Variants in ANGPT1 observed in about 807,000 individuals in gnomAD.
The protein encoded by ANGPT1 is angiopoietin 1.
In ANGPT1, 17 loss-of-function variants were observed where a neutral mutation model predicts 62.2. The observed-to-expected ratio is 0.27, with a 90% CI of 0.19 to 0.41. The LOEUF (loss-of-function observed/expected upper bound fraction) is 0.41, where lower values mean the gene tolerates loss of function less well. Ranked by LOEUF, ANGPT1 falls within the 10% of genes least tolerant of loss-of-function variation. ANGPT1 has a pLI of 1.00. For missense variants in ANGPT1, 478 were observed against 594.9 expected, an observed-to-expected ratio of 0.80 and a Z score of 2.04; for synonymous variants, 199 against 198.9, an observed-to-expected ratio of 1.00 and a Z score of 0.00.
intron 1 of ANGPT1, among the ~76,000 whole-genome samples, chr8:107,423,665 C>T (rs1810955174): frequency 6.6e-6 from 1 of 151,976 alleles, no homozygotes; most frequent in South Asian, 2.1e-4. Context: ...GGAATTTGAC[C>T]TAAGACATAC....
intron 7 of ANGPT1, among the ~76,000 whole-genome samples, chr8:107,281,735 G>A (rs1024343372): frequency 2.6e-5 from 4 of 152,076 alleles, no homozygotes; most frequent in South Asian, 2.1e-4. Context: ...CCGAGATCGC[G>A]CCATTGCACT....
chr8:107,396,781 C>T (rs1816945291), intron 1 of ANGPT1, among the ~76,000 whole-genome samples: 1 of 152,020 alleles, frequency 6.6e-6, no homozygotes, highest in African/African-American at 2.4e-5. Context: ...CCACGACCCC[C>T]TAAAGTGCTA....
intron 1 of ANGPT1, among the ~76,000 whole-genome samples, chr8:107,489,069 C>G (rs541532695): frequency 1.1e-4 from 16 of 152,296 alleles, no homozygotes; most frequent in Non-Finnish European, 1.9e-4. Flanking sequence ...ATAAAGCATA[C>G]TCCTTCCTAA....
At chr8:107,456,949 C>T (rs1319741487) in intron 1 of ANGPT1, among the ~76,000 whole-genome samples, 4 of 151,988 alleles carry the variant, frequency 2.6e-5, no homozygotes, top group Non-Finnish European at 4.4e-5. Context: ...CCTAATACTT[C>T]ATTAATAAAG....
In ANGPT1 at chr8:107,295,697, A is replaced by C. The variant is rs780184634; in HGVS notation, c.937-1660T>G. Reference sequence around the variant, plus strand: ...GATACCTCAAAGGCTAGCAAAGAAAATGATCGTAGTTTTGGACACCTTAGC... The same window carrying C: ...GATACCTCAAAGGCTAGCAAAGAAACTGATCGTAGTTTTGGACACCTTAGC... On this transcript the variant is annotated intron_variant, in intron 5 of 8. Coordinates refer to ENST00000517746, the MANE Select transcript of ANGPT1 (RefSeq NM_001146.5). Among the ~76,000 whole-genome samples the C allele has an allele frequency of 5.3e-5, 8 of 152,172 alleles. No homozygotes were observed. In the South Asian group the frequency reaches 1.7e-3, roughly 31 times the overall value.
chr8:107,258,324 A>T (rs1813417102), intron 8 of ANGPT1, among the ~76,000 whole-genome samples: 1 of 152,256 alleles, frequency 6.6e-6, no homozygotes, highest in Non-Finnish European at 1.5e-5. Context: ...TCTGTATCTC[A>T]GTTCTTGCCA....
chr8:107,415,743 G>A (rs545172524), intron 1 of ANGPT1, among the ~76,000 whole-genome samples: 8 of 152,204 alleles, frequency 5.3e-5, no homozygotes, highest in South Asian at 4.1e-4. Context: ...TTGTCTGCTC[G>A]CATGTTATGT....
Position 107,303,385 on chromosome 8 carries a change from A to AG in ANGPT1, c.809-19_809-18insC. On this transcript the variant is annotated intron_variant, in intron 4 of 8. Coordinates refer to ENST00000517746, the MANE Select transcript of ANGPT1 (RefSeq NM_001146.5). ...TAGTAAAACTGCAAAAAAAAAAAAAAAGATTGCAATATGTGAATATCAGTA... is the reference window on the plus strand; with the variant it reads ...TAGTAAAACTGCAAAAAAAAAAAAAAGAGATTGCAATATGTGAATATCAGTA... The AG allele has an allele frequency of 6.3e-7, 1 of 1,577,266 alleles. No individual in the cohort carries two copies.
chr8:107,467,518 G>A (rs1033115753), intron 1 of ANGPT1, among the ~76,000 whole-genome samples: 19 of 151,872 alleles, frequency 1.3e-4, no homozygotes, highest in African/African-American at 4.6e-4. Context: ...AGAAACCTGG[G>A]GACTTAATTG....
At chr8:107,397,800 C>G (rs1286901734) in intron 1 of ANGPT1, among the ~76,000 whole-genome samples, 1 of 152,128 alleles carries the variant, frequency 6.6e-6, no homozygotes, top group East Asian at 1.9e-4. Context: ...ATATTATTAG[C>G]TCTCAATGGC....
At chr8:107,403,722 T>G (rs1817091522) in intron 1 of ANGPT1, among the ~76,000 whole-genome samples, 1 of 152,136 alleles carries the variant, frequency 6.6e-6, no homozygotes, top group Non-Finnish European at 1.5e-5. Context: ...TTGTACTATT[T>G]TAAAAATAGG....
intron 6 of ANGPT1, among the ~76,000 whole-genome samples, chr8:107,291,073 TC>T (rs1814260603): frequency 2.6e-5 from 4 of 152,216 alleles, no homozygotes; most frequent in Admixed American, 2.6e-4. Flanking sequence ...TGAGTCTCTA[TC>T]TACAGTCTGA....
intron 1 of ANGPT1, among the ~76,000 whole-genome samples, chr8:107,469,953 G>A (rs561368798): frequency 6.6e-6 from 1 of 152,114 alleles, no homozygotes; most frequent in South Asian, 2.1e-4. Flanking sequence ...GATTTTGCAG[G>A]CTTGCTTGAG....
chr8:107,450,713 T>TGG (rs139277949), intron 1 of ANGPT1, among the ~76,000 whole-genome samples: 5,602 of 144,820 alleles, frequency 0.039, 370 homozygotes, highest in African/African-American at 0.13. Context: ...TAGGTGTGTG[T>TGG]GTGTGTGTGT....
At chr8:107,466,618 A>G (rs1812204047) in intron 1 of ANGPT1, among the ~76,000 whole-genome samples, 1 of 152,100 alleles carries the variant, frequency 6.6e-6, no homozygotes. Context: ...GGTTGTTAAA[A>G]ATTATAATTG....
chr8:107,494,797 G>A (rs1403649037), intron 1 of ANGPT1: 2 of 152,256 alleles, frequency 1.3e-5, no homozygotes, highest in East Asian at 1.9e-4. Flanking sequence ...TTCATTTAGA[G>A]TTGATAACAC....
At chr8:107,395,363 T>A (rs1164075024) in intron 1 of ANGPT1, among the ~76,000 whole-genome samples, 1 of 152,204 alleles carries the variant, frequency 6.6e-6, no homozygotes, top group Non-Finnish European at 1.5e-5. Context: ...ACCTTGAGTA[T>A]TATTTCTATG....
At chr8:107,415,966 A>C (rs1204774484) in intron 1 of ANGPT1, among the ~76,000 whole-genome samples, 1 of 152,142 alleles carries the variant, frequency 6.6e-6, no homozygotes, top group Non-Finnish European at 1.5e-5. Flanking sequence ...GGAGTGGAGA[A>C]GTTTACTTAA....
chr8:107,313,676 C>T (rs954983892), intron 4 of ANGPT1, among the ~76,000 whole-genome samples: 2 of 151,544 alleles, frequency 1.3e-5, no homozygotes, highest in African/African-American at 4.8e-5. Context: ...ATCTCCTGAC[C>T]TCGTGATCCA....
Sources: allele counts gnomAD v4.1 joint callset (sites outside exome capture counted in the v4.1 genomes callset), GRCh38; gene constraint gnomAD v4.1.1; transcripts MANE v1.5; gene names NCBI Gene and HGNC (gene_info 2026-07-23, HGNC 2026-07-21).